Variants in NDUFS4 observed in about 807,000 individuals in gnomAD.
The protein encoded by NDUFS4 is NADH dehydrogenase [ubiquinone] iron-sulfur protein 4, mitochondrial.
Under a neutral mutation model 24.3 loss-of-function variants are expected in NDUFS4, and 28 were observed. That is an observed-to-expected ratio of 1.15 (90% CI 0.85 to 1.58). NDUFS4 has a LOEUF of 1.58. NDUFS4 is among the 40% of genes most tolerant of loss of function. NDUFS4 has a pLI of 0.00. For synonymous variants in NDUFS4, 93 were observed against 69.7 expected, an observed-to-expected ratio of 1.34 and a Z score of -1.67; for missense variants, 223 against 207.9, an observed-to-expected ratio of 1.07 and a Z score of -0.45.
At chr5:53,590,152 T>C (rs1296553502) in intron 1 of NDUFS4, among the ~76,000 whole-genome samples, 1 of 152,170 alleles carries the variant, frequency 6.6e-6, no homozygotes, top group Non-Finnish European at 1.5e-5. Context: ...TTTGAAGTAA[T>C]CCTGTTTTGA....
chr5:53,585,392 G>T (rs1029130529), intron 1 of NDUFS4, among the ~76,000 whole-genome samples: 1 of 152,084 alleles, frequency 6.6e-6, no homozygotes, highest in Admixed American at 6.5e-5. Context: ...CAGTATGAGG[G>T]CCTGTAAAAG....
intron 4 of NDUFS4, among the ~76,000 whole-genome samples, chr5:53,680,922 T>G (rs2607506): frequency 0.2 from 30,967 of 151,936 alleles, 3,689 homozygotes; most frequent in East Asian, 0.46. Context: ...TGCTCTTGTC[T>G]CAGGGCCTTT....
chr5:53,628,272 A>G (rs921078913), intron 2 of NDUFS4, among the ~76,000 whole-genome samples: 11 of 152,042 alleles, frequency 7.2e-5, no homozygotes, highest in African/African-American at 2.7e-4. Context: ...GTGCTGCTGG[A>G]TTTGGTTTGC....
chr5:53,598,620 TAAATA>T (rs1750204309), intron 1 of NDUFS4, among the ~76,000 whole-genome samples: 1 of 152,104 alleles, frequency 6.6e-6, no homozygotes, highest in Non-Finnish European at 1.5e-5. Context: ...TTTATATAAA[TAAATA>T]TACTGATAAA....
At chr5:53,607,701 A>T (rs191143026) in intron 2 of NDUFS4, among the ~76,000 whole-genome samples, 1 of 152,306 alleles carries the variant, frequency 6.6e-6, no homozygotes, top group East Asian at 1.9e-4. Flanking sequence ...CAAGTATGAA[A>T]ATATTAAGGC....
intron 1 of NDUFS4, among the ~76,000 whole-genome samples, chr5:53,587,515 C>G (rs558421475): frequency 2.0e-5 from 3 of 151,842 alleles, no homozygotes; most frequent in East Asian, 3.9e-4. Flanking sequence ...AACAGACAAA[C>G]ACATATATTG....
chr5:53,668,473 G>C (rs1016586403), intron 4 of NDUFS4, among the ~76,000 whole-genome samples: 1 of 151,584 alleles, frequency 6.6e-6, no homozygotes, highest in Non-Finnish European at 1.5e-5. Context: ...GGGGTTCGGG[G>C]CTGGAGACAG....
chr5:53,583,173 G>A (rs747819227), intron 1 of NDUFS4, among the ~76,000 whole-genome samples: 14 of 151,896 alleles, frequency 9.2e-5, no homozygotes, highest in African/African-American at 2.7e-4. Flanking sequence ...CACTGCACCC[G>A]GCCTTATATA....
At chr5:53,574,349 T>A (rs1331720207) in intron 1 of NDUFS4, among the ~76,000 whole-genome samples, 1 of 152,222 alleles carries the variant, frequency 6.6e-6, no homozygotes, top group Non-Finnish European at 1.5e-5. Flanking sequence ...TTTTTCTTCT[T>A]TAGACTGTTA....
chr5:53,655,609 T>C (rs1437049962), intron 3 of NDUFS4, among the ~76,000 whole-genome samples: 1 of 152,078 alleles, frequency 6.6e-6, no homozygotes, highest in Admixed American at 6.5e-5. Context: ...TAGTCACTAG[T>C]TAATATTCAA....
At chr5:53,602,294 A>T (rs1465603121) in intron 1 of NDUFS4, among the ~76,000 whole-genome samples, 1 of 152,196 alleles carries the variant, frequency 6.6e-6, no homozygotes, top group Non-Finnish European at 1.5e-5. Flanking sequence ...ATGTATTTTA[A>T]CTTTGTGTAA....
At chr5:53,678,405 A>T (rs978608299) in intron 4 of NDUFS4, among the ~76,000 whole-genome samples, 28 of 151,964 alleles carry the variant, frequency 1.8e-4, no homozygotes, top group African/African-American at 6.5e-4. Context: ...CCATATGGCT[A>T]CTCTCCTCTA....
chr5:53,602,879 T>G (rs1210776794), intron 1 of NDUFS4, among the ~76,000 whole-genome samples: 1 of 152,200 alleles, frequency 6.6e-6, no homozygotes, highest in Non-Finnish European at 1.5e-5. Context: ...AGGGGCTAGA[T>G]TCTCTGCCCA....
intron 1 of NDUFS4, among the ~76,000 whole-genome samples, chr5:53,593,837 A>G (rs2637003): frequency 0.13 from 19,212 of 152,052 alleles, 2,247 homozygotes; most frequent in East Asian, 0.46. Context: ...TTTGATCTCC[A>G]AGTAATTGGA....
intron 1 of NDUFS4, among the ~76,000 whole-genome samples, chr5:53,565,324 T>C (rs1748983241): frequency 6.6e-6 from 1 of 152,222 alleles, no homozygotes; most frequent in African/African-American, 2.4e-5. Flanking sequence ...TAACAACCTA[T>C]GCTGACTCTA....
chr5:53,656,842 G>A (rs1752175134), intron 3 of NDUFS4, among the ~76,000 whole-genome samples: 1 of 152,072 alleles, frequency 6.6e-6, no homozygotes. Flanking sequence ...TTAGGATGGG[G>A]TTATGGGAAT....
intron 1 of NDUFS4, among the ~76,000 whole-genome samples, chr5:53,570,684 CTTTTTTTTT>C: frequency 8.3e-6 from 1 of 119,868 alleles, no homozygotes; most frequent in African/African-American, 3.2e-5. Flanking sequence ...ATTTTTTTTT[CTTTTTTTTT>C]TTTTTTTTGA....
At chr5:53,611,717 A>C (rs1379010811) in intron 2 of NDUFS4, among the ~76,000 whole-genome samples, 1 of 151,990 alleles carries the variant, frequency 6.6e-6, no homozygotes, top group Non-Finnish European at 1.5e-5. Flanking sequence ...CTGTGCCATG[A>C]GGTTAGGTGA....
chr5:53,560,643 T>A lies in NDUFS4; in HGVS notation c.-20T>A. 6.2e-7 allele frequency: 1 copy of A among 1,614,264 alleles called. No homozygotes were observed. Among genetic ancestry groups the A allele is most frequent in the Non-Finnish European group, 8.5e-7 (1 of 1,180,046 alleles). ...CTTGCGGTGATCCGTCCTTTCATCC[T>A]GGCGTTTGCCTGCAGCAAGATGGCG... On this transcript the variant is annotated 5_prime_UTR_variant, in exon 1 of 5. Transcript: ENST00000296684.
Sources: allele counts gnomAD v4.1 joint callset (sites outside exome capture counted in the v4.1 genomes callset), GRCh38; gene constraint gnomAD v4.1.1; transcripts MANE v1.5; gene names NCBI Gene and HGNC (gene_info 2026-07-23, HGNC 2026-07-21).